Variants in ANO2 observed in about 807,000 individuals in gnomAD.
ANO2 encodes anoctamin-2.
In ANO2, 101 loss-of-function variants were observed where a neutral mutation model predicts 124.2. The ratio of observed to expected loss-of-function variants is 0.81; its 90% CI spans 0.69 to 0.96. The LOEUF is 0.96. Among genes scored for constraint, ANO2 ranks in the 40% least tolerant of loss-of-function variants. The probability of loss-of-function intolerance (pLI) is 0.00; values close to 1 mark genes in which losing one functional copy is unlikely to be tolerated. For missense variants in ANO2, 1,293 were observed against 1,274.5 expected (o/e 1.01, Z -0.22); for synonymous variants, 486 against 482.5 (o/e 1.01, Z -0.09).
chr12:5,856,095 A>C (rs1955088815), intron 3 of ANO2, among the ~76,000 whole-genome samples: 5 of 152,188 alleles, frequency 3.3e-5, no homozygotes. Context: ...TTTTCCAACT[A>C]AGTGAAAATA....
rs114875116 is a variant in ANO2, at chr12:5,658,899, A to G, written c.1546-11098T>C. The stretch of plus-strand genomic sequence containing the variant: ...CAACATCATTATCATCATTAAAATC[A>G]TCATCAGCAACAGCAGCATCATCAT... On this transcript the variant is annotated intron_variant, in intron 14 of 24. Transcript: ENST00000682330. This position sits in a 1 kb window ranked among gnomAD's most constrained non-coding sequence, Gnocchi z 4.3. 2.8e-3 allele frequency among the ~76,000 whole-genome samples: 424 copies of G among 152,324 alleles called. 3 individuals carry two copies. Among genetic ancestry groups the G allele is most frequent in the African/African-American group, 9.7e-3 (404 of 41,568 alleles).
intron 7 of ANO2, among the ~76,000 whole-genome samples, chr12:5,821,097 T>C (rs2137198948): frequency 6.6e-6 from 1 of 152,314 alleles, no homozygotes; most frequent in South Asian, 2.1e-4. Flanking sequence ...ACTGGTCCAT[T>C]ACATTGATGA....
At chr12:5,796,901 G>A (rs1317546733) in intron 10 of ANO2, among the ~76,000 whole-genome samples, 1 of 152,208 alleles carries the variant, frequency 6.6e-6, no homozygotes, top group African/African-American at 2.4e-5. Context: ...TCACACAGAG[G>A]TTTTAGAATC....
At chr12:5,639,541 C>T (rs190564817) in intron 15 of ANO2, among the ~76,000 whole-genome samples, 46 of 152,198 alleles carry the variant, frequency 3.0e-4, no homozygotes, top group Middle Eastern at 3.4e-3. Context: ...GTATAGGGAT[C>T]GGTTGCAATT....
intron 7 of ANO2, among the ~76,000 whole-genome samples, chr12:5,820,758 C>A (rs1249329788): frequency 6.6e-6 from 1 of 152,224 alleles, no homozygotes; most frequent in East Asian, 1.9e-4. Flanking sequence ...TTGGCCTGTG[C>A]AGAAGACAGA....
rs1947017388 is a variant in ANO2, at chr12:5,653,591, G to C, written c.1546-5790C>G. Among the ~76,000 whole-genome samples the C allele has an allele frequency of 2.0e-5, 3 of 152,282 alleles. No individual in the cohort carries two copies. In the South Asian group the frequency reaches 6.2e-4, roughly 32 times the overall value. ...TATAAGTTCTGTATAATTGTGAGTTGTATTACTCTTGTTTCTATACAGGAA... is the reference window on the plus strand; with the variant it reads ...TATAAGTTCTGTATAATTGTGAGTTCTATTACTCTTGTTTCTATACAGGAA... On this transcript the variant is annotated intron_variant, in intron 14 of 24. Coordinates refer to ENST00000682330, the MANE Select transcript of ANO2 (RefSeq NM_001364791.2).
chr12:5,593,587 G>C (rs1005951240), intron 20 of ANO2, among the ~76,000 whole-genome samples: 1 of 152,198 alleles, frequency 6.6e-6, no homozygotes, highest in Non-Finnish European at 1.5e-5. Flanking sequence ...CCGTATTCAG[G>C]AGCTTCAAAC....
intron 14 of ANO2, among the ~76,000 whole-genome samples, chr12:5,727,752 C>T (rs1343940709): frequency 4.0e-5 from 6 of 151,344 alleles, no homozygotes; most frequent in African/African-American, 1.5e-4. Context: ...ATTCTCCTGC[C>T]TCAGCCTCCC....
intron 1 of ANO2, among the ~76,000 whole-genome samples, chr12:5,942,254 A>G (rs1355825398): frequency 6.6e-6 from 1 of 152,240 alleles, no homozygotes; most frequent in Non-Finnish European, 1.5e-5. Context: ...TGGTTTTCAA[A>G]TAGCATTTTT....
chr12:5,840,128 T>A (rs971963055), intron 4 of ANO2, among the ~76,000 whole-genome samples: 10 of 152,180 alleles, frequency 6.6e-5, no homozygotes, highest in African/African-American at 2.4e-4. Flanking sequence ...ATGAACAACC[T>A]CAGAAATGGC....
intron 14 of ANO2, among the ~76,000 whole-genome samples, chr12:5,685,823 G>A (rs1379583718): frequency 6.6e-6 from 1 of 152,066 alleles, no homozygotes; most frequent in Non-Finnish European, 1.5e-5. Context: ...ACACAAAACC[G>A]GGACGACTGC....
intron 3 of ANO2, among the ~76,000 whole-genome samples, chr12:5,869,411 T>C (rs1487037432): frequency 6.6e-6 from 1 of 152,202 alleles, no homozygotes; most frequent in Non-Finnish European, 1.5e-5. Flanking sequence ...TGACTCACTG[T>C]GCTCCTTCCT....
intron 20 of ANO2, among the ~76,000 whole-genome samples, chr12:5,593,764 C>T (rs1943522183): frequency 6.6e-6 from 1 of 152,192 alleles, no homozygotes; most frequent in East Asian, 1.9e-4. Flanking sequence ...ACCTACTTTT[C>T]AGATGGGAGA....
intron 17 of ANO2, among the ~76,000 whole-genome samples, chr12:5,614,245 T>C (rs1048256055): frequency 6.6e-6 from 1 of 152,224 alleles, no homozygotes; most frequent in Non-Finnish European, 1.5e-5. Context: ...TGCATGAACA[T>C]CTAAATCCTT....
chr12:5,870,745 G>A (rs1955553558), intron 3 of ANO2, among the ~76,000 whole-genome samples: 1 of 152,166 alleles, frequency 6.6e-6, no homozygotes, highest in Non-Finnish European at 1.5e-5. Flanking sequence ...TCCTACTCAG[G>A]ATGAGGTACC....
chr12:5,887,911 G>T (rs1939060304), intron 3 of ANO2, among the ~76,000 whole-genome samples: 1 of 150,618 alleles, frequency 6.6e-6, no homozygotes, highest in Non-Finnish European at 1.5e-5. Flanking sequence ...ACAGGGATTT[G>T]AATTCAGGTT....
rs116841205 is a variant in ANO2, at chr12:5,735,173, C to T, written c.1435-2543G>A. On this transcript the variant is annotated intron_variant, in intron 13 of 24. Transcript: ENST00000682330. ...AGCCCCCGGGAGGGCTGCTTTGACA[C>T]ACCCAGCCACGGGCAGATCAGCCTG... 2.3e-4 allele frequency among the ~76,000 whole-genome samples: 35 copies of T among 152,288 alleles called. No homozygotes were observed. In the East Asian group the frequency reaches 6.8e-3, roughly 29 times the overall value.
chr12:5,592,446 C>G (rs1943443883), intron 20 of ANO2, among the ~76,000 whole-genome samples: 1 of 152,046 alleles, frequency 6.6e-6, no homozygotes, highest in African/African-American at 2.4e-5. Flanking sequence ...ATGGCATAGG[C>G]AAATTGGACG....
rs1274630286 is a variant in ANO2, at chr12:5,922,552, C to T, written c.207+68G>A. On this transcript the variant is annotated intron_variant, in intron 2 of 24. Coordinates refer to ENST00000682330, the MANE Select transcript of ANO2 (RefSeq NM_001364791.2). ...CTCCCAACTGGAGGATCCCCCAGACCAGAGGCTCCTTGGTGGCCTGCAACA... is the reference window on the plus strand; with the variant it reads ...CTCCCAACTGGAGGATCCCCCAGACTAGAGGCTCCTTGGTGGCCTGCAACA... 4.1e-6 allele frequency: 6 copies of T among 1,461,786 alleles called. No individual in the cohort carries two copies. In the African/African-American group the frequency reaches 4.2e-5, roughly 10 times the overall value. The allele number at this position is 1,461,786 out of a possible 1,614,324, so 90.6% of individuals were successfully genotyped here. A position where few individuals can be genotyped will look rare whatever the true frequency, so the allele number is the denominator to read the frequency against.
Sources: allele counts gnomAD v4.1 joint callset (sites outside exome capture counted in the v4.1 genomes callset), GRCh38; gene constraint gnomAD v4.1.1; non-coding constraint Gnocchi (gnomAD v3.1); transcripts MANE v1.5; gene names NCBI Gene and HGNC (gene_info 2026-07-23, HGNC 2026-07-21).